ABLIM1: variants seen among roughly 807,000 people sequenced by gnomAD.
ABLIM1 encodes the protein actin-binding LIM protein 1.
In ABLIM1, 40 loss-of-function variants were observed where a neutral mutation model predicts 107.0. The observed-to-expected ratio is 0.37, with a 90% CI of 0.29 to 0.49. ABLIM1 has a LOEUF of 0.49. Ranked by LOEUF, ABLIM1 falls within the 20% of genes least tolerant of loss-of-function variation. The pLI is 0.97. For synonymous variants in ABLIM1, 357 were observed against 357.3 expected (o/e 1.00, Z 0.01); for missense variants, 857 against 1,008.5 (o/e 0.85, Z 2.04).
At chr10:114,681,470 T>C (rs559639623) in intron 1 of ABLIM1, among the ~76,000 whole-genome samples, 70 of 152,268 alleles carry the variant, frequency 4.6e-4, no homozygotes, top group Non-Finnish European at 3.2e-4. Flanking sequence ...GCTGGGATTA[T>C]AGGCATGAGC....
At position 114,487,949 on chromosome 10, in the gene ABLIM1, T is replaced by C. The variant is rs1408622848; in HGVS notation, c.1041+9A>G. ...TGCAGCTGGCATCATGTTTTAATTG[T>C]GTCCTTACCCGCAGCTTTTCCTCGG... is the stretch of plus-strand genomic sequence containing the variant. On this transcript the variant is annotated intron_variant, in intron 8 of 22. Coordinates refer to ENST00000533213, the MANE Select transcript of ABLIM1 (RefSeq NM_002313.7). 6.2e-7 allele frequency: 1 copy of C among 1,614,034 alleles called. No homozygotes were observed. The highest frequency in any genetic ancestry group is 8.5e-7 in the Non-Finnish European group (1 of 1,179,978).
chr10:114,527,827 G>C (rs187083220), intron 6 of ABLIM1, among the ~76,000 whole-genome samples: 6 of 140,020 alleles, frequency 4.3e-5, no homozygotes, highest in Non-Finnish European at 9.1e-5. Context: ...ACCATGCCTG[G>C]CTAATTTTTA....
intron 12 of ABLIM1, among the ~76,000 whole-genome samples, chr10:114,462,161 G>A (rs953285548): frequency 3.9e-5 from 6 of 152,208 alleles, no homozygotes; most frequent in Non-Finnish European, 8.8e-5. Flanking sequence ...CTCAATGGAA[G>A]CATCAGGGCC....
At chr10:114,719,398 A>C (rs1252169860) in intron 1 of ABLIM1, among the ~76,000 whole-genome samples, 1 of 152,208 alleles carries the variant, frequency 6.6e-6, no homozygotes, top group Non-Finnish European at 1.5e-5. Flanking sequence ...AGGGTTACTT[A>C]GTTGTTTAAA....
intron 6 of ABLIM1, among the ~76,000 whole-genome samples, chr10:114,515,698 G>T (rs547412118): frequency 2.0e-5 from 3 of 152,240 alleles, no homozygotes; most frequent in South Asian, 4.2e-4. Context: ...TTAATTAGTT[G>T]GAATGAGCTC....
At chr10:114,614,921 G>A (rs910899386) in intron 1 of ABLIM1, among the ~76,000 whole-genome samples, 5 of 151,578 alleles carry the variant, frequency 3.3e-5, no homozygotes, top group Non-Finnish European at 7.4e-5. Context: ...GTGGTGGTGC[G>A]CACCTGTAAT....
At chr10:114,628,565 G>A (rs1034282461) in intron 1 of ABLIM1, among the ~76,000 whole-genome samples, 10 of 152,160 alleles carry the variant, frequency 6.6e-5, no homozygotes, top group African/African-American at 1.7e-4. Context: ...ACTGGGTCCC[G>A]CTCTATCCCA....
chr10:114,448,456 C>T (rs147199922), intron 14 of ABLIM1, among the ~76,000 whole-genome samples: 4 of 152,142 alleles, frequency 2.6e-5, no homozygotes, highest in Admixed American at 2.0e-4. Flanking sequence ...GTGGACAACA[C>T]TCTCCTAGAG....
intron 3 of ABLIM1, among the ~76,000 whole-genome samples, chr10:114,573,294 A>C (rs749670038): frequency 8.5e-5 from 13 of 152,206 alleles, no homozygotes; most frequent in African/African-American, 1.2e-4. Flanking sequence ...AGAGATATTA[A>C]CTCCTGGTTC....
chr10:114,672,136 C>T (rs1024572390), intron 1 of ABLIM1, among the ~76,000 whole-genome samples: 11 of 152,074 alleles, frequency 7.2e-5, no homozygotes, highest in Non-Finnish European at 1.5e-4. Flanking sequence ...CTTGGCTTCC[C>T]AAGGATCTGG....
chr10:114,751,987 A>G (rs905815869), intron 1 of ABLIM1, among the ~76,000 whole-genome samples: 4 of 152,172 alleles, frequency 2.6e-5, no homozygotes, highest in African/African-American at 9.7e-5. Context: ...CGAGCCATGA[A>G]TTAGGATGGA....
At chr10:114,589,215 G>GTT (rs763360967) in intron 2 of ABLIM1, among the ~76,000 whole-genome samples, 2 of 141,778 alleles carry the variant, frequency 1.4e-5, no homozygotes, top group Non-Finnish European at 3.1e-5. Flanking sequence ...GTGTGTGTGT[G>GTT]TGTTTTTTTT....
chr10:114,458,847 A>C (rs929833868), intron 12 of ABLIM1, among the ~76,000 whole-genome samples: 3 of 152,216 alleles, frequency 2.0e-5, no homozygotes, highest in Non-Finnish European at 4.4e-5. Flanking sequence ...TTACAAACGA[A>C]GCCCGAAACA....
At chr10:114,790,697 C>G in the ABLIM1 span, among the ~76,000 whole-genome samples, 1 of 152,170 alleles carries the variant, frequency 6.6e-6, no homozygotes, top group Admixed American at 6.5e-5. Flanking sequence ...TGAGGTTTCT[C>G]TAAGGGAAAT....
intron 1 of ABLIM1, among the ~76,000 whole-genome samples, chr10:114,730,387 A>C (rs1310346516): frequency 6.8e-6 from 1 of 147,822 alleles, no homozygotes; most frequent in Non-Finnish European, 1.5e-5. Flanking sequence ...AACAGTGTGA[A>C]ACTCCATCTC....
chr10:114,483,126 T>C (rs1345016254), intron 8 of ABLIM1, among the ~76,000 whole-genome samples: 14 of 152,182 alleles, frequency 9.2e-5, no homozygotes, highest in East Asian at 3.8e-4. Context: ...AGAATGAAGA[T>C]TGTATGAAAA....
intron 8 of ABLIM1, among the ~76,000 whole-genome samples, chr10:114,477,239 T>C (rs912187235): frequency 6.6e-6 from 1 of 152,178 alleles, no homozygotes; most frequent in African/African-American, 2.4e-5. Context: ...AAGAGAAATA[T>C]TGAGATCAAG....
the ABLIM1 span, chr10:114,779,402 T>C: frequency 1.3e-5 from 2 of 152,242 alleles, no homozygotes; most frequent in Non-Finnish European, 1.5e-5. Context: ...CGGCATGATT[T>C]CTTGCTTTCC....
At chr10:114,460,502 G>A (rs1017226980) in intron 12 of ABLIM1, among the ~76,000 whole-genome samples, 3 of 152,208 alleles carry the variant, frequency 2.0e-5, no homozygotes, top group Admixed American at 1.3e-4. Context: ...TCAGGAGGCC[G>A]AGGCAGAAGA....
Sources: gnomAD v4.1 joint callset for allele counts (sites outside exome capture counted in the v4.1 genomes callset) on GRCh38, gnomAD v4.1.1 for gene constraint, MANE v1.5 for transcripts, NCBI Gene and HGNC (gene_info 2026-07-23, HGNC 2026-07-21) for gene names.